The following HAVCR2 variants were observed in gnomAD, a reference collection of about 807,000 sequenced individuals.
HAVCR2 encodes the protein hepatitis A virus cellular receptor 2, also known as T cell immunoglobulin mucin 3.
In HAVCR2, 13 loss-of-function variants were observed where a neutral mutation model predicts 24.7. The observed-to-expected ratio is 0.53, with a 90% CI of 0.34 to 0.84. The LOEUF (loss-of-function observed/expected upper bound fraction) is 0.84. HAVCR2 is among the 40% of genes least tolerant of loss of function. HAVCR2 has a pLI of 0.01. For missense variants in HAVCR2, 343 were observed against 371.2 expected (o/e 0.92, Z 0.62); for synonymous variants, 154 against 143.4 (o/e 1.07, Z -0.53).
chr5:157,104,249 G>C (rs1394809144), intron 3 of HAVCR2, among the ~76,000 whole-genome samples: 2 of 152,082 alleles, frequency 1.3e-5, no homozygotes, highest in Admixed American at 6.6e-5. Context: ...GAAGGTGATG[G>C]GCTTTATTCT....
At chr5:157,088,864 A>G in intron 6 of HAVCR2, 77 bp downstream of exon 6, 1 of 1,257,144 alleles carries the variant, frequency 8.0e-7, no homozygotes. Context: ...AGGATTTCTC[A>G]GAGAAAAGAT....
chr5:157,105,941 A>G (rs4704850), intron 2 of HAVCR2, among the ~76,000 whole-genome samples: 130,863 of 151,950 alleles, frequency 0.86, 56,477 homozygotes, highest in East Asian at 0.99. Context: ...CAAACTCCTG[A>G]CCTCAAGTGA....
At position 157,087,039 on chromosome 5, in the gene HAVCR2, G is replaced by C. The variant is rs36047818; in HGVS notation, c.*63C>G. 0.014 allele frequency: 19,965 copies of C among 1,474,878 alleles called. 607 individuals are homozygous for C. The highest frequency in any genetic ancestry group is 0.12 in the African/African-American group (8,566 of 71,464). The allele number at this position is 1,474,878 out of a possible 1,614,324, so 91.4% of individuals were successfully genotyped here. ...GGACAGAACCTCCAAAACCAGTCAG[G>C]TGACACAGCTCATAGTTTCTGAAAA... is the stretch of plus-strand genomic sequence containing the variant. On this transcript the variant is annotated 3_prime_UTR_variant, in exon 7 of 7. Coordinates refer to ENST00000307851, the MANE Select transcript of HAVCR2 (RefSeq NM_032782.5).
chr5:157,103,253 C>T (rs1245908869), intron 3 of HAVCR2, among the ~76,000 whole-genome samples: 1 of 151,922 alleles, frequency 6.6e-6, no homozygotes, highest in Non-Finnish European at 1.5e-5. Flanking sequence ...CGCCTGTAGT[C>T]CCAGCTACTT....
At chr5:157,093,376 C>G (rs574841144) in intron 5 of HAVCR2, among the ~76,000 whole-genome samples, 2 of 152,056 alleles carry the variant, frequency 1.3e-5, no homozygotes, top group Non-Finnish European at 1.5e-5. Flanking sequence ...AGGGTAGTTA[C>G]GAGAATTTAA....
rs926474650 is a variant in HAVCR2, at chr5:157,085,904, A to G, written c.*1198T>C. The G allele has an allele frequency of 6.6e-6, 1 of 152,250 alleles. No individual in the cohort carries two copies. The highest frequency in any genetic ancestry group is 6.5e-5 in the Admixed American group (1 of 15,280). The allele number at this position is 152,250 out of a possible 1,614,324, so 9.4% of individuals were successfully genotyped here. On this transcript the variant is annotated 3_prime_UTR_variant, in exon 7 of 7. Transcript: ENST00000307851. ...GTGCTAGGCGCAGGGGGCAACAATA[A>G]GCAAGACAGATCAAGCCTATACCGT...
intron 5 of HAVCR2, among the ~76,000 whole-genome samples, chr5:157,092,878 CAAAA>C (rs556443053): frequency 5.2e-4 from 23 of 44,010 alleles, no homozygotes; most frequent in Admixed American, 6.9e-4. Flanking sequence ...CTGTCTCTAC[CAAAA>C]AAAAAAAAAA....
At chr5:157,095,506 C>G (rs745379542) in intron 4 of HAVCR2, 47 bp from the exon 5 acceptor site, 6 of 1,604,700 alleles carry the variant, frequency 3.7e-6, no homozygotes, top group Non-Finnish European at 5.1e-6. Flanking sequence ...CTAGAAATCG[C>G]TTGTGTAATC....
At chr5:157,092,463 T>C (rs1168862668) in intron 5 of HAVCR2, among the ~76,000 whole-genome samples, 1 of 151,982 alleles carries the variant, frequency 6.6e-6, no homozygotes, top group Non-Finnish European at 1.5e-5. Flanking sequence ...ATTTATTTTT[T>C]GAGATGGAGT....
intron 6 of HAVCR2, among the ~76,000 whole-genome samples, chr5:157,088,682 C>T (rs764362659): frequency 3.3e-5 from 5 of 152,138 alleles, no homozygotes; most frequent in Admixed American, 1.3e-4. Flanking sequence ...CCATTAATAT[C>T]GAGATGAATA....
chr5:157,091,287 A>C (rs1756996609), intron 5 of HAVCR2, among the ~76,000 whole-genome samples: 1 of 152,150 alleles, frequency 6.6e-6, no homozygotes, highest in African/African-American at 2.4e-5. Flanking sequence ...CTCTACTAAA[A>C]ATACAAAATT....
At chr5:157,103,140 G>A (rs1309338394) in intron 3 of HAVCR2, among the ~76,000 whole-genome samples, 1 of 151,986 alleles carries the variant, frequency 6.6e-6, no homozygotes, top group Non-Finnish European at 1.5e-5. Context: ...GAGGCGGGAG[G>A]ATCACAAGGT....
At chr5:157,098,250 TA>T (rs1180336697) in intron 4 of HAVCR2, among the ~76,000 whole-genome samples, 1 of 150,986 alleles carries the variant, frequency 6.6e-6, no homozygotes, top group African/African-American at 2.4e-5. Flanking sequence ...CTACTAAAAA[TA>T]AAAAAATTAG....
intron 3 of HAVCR2, among the ~76,000 whole-genome samples, chr5:157,102,930 G>C (rs1281180149): frequency 2.1e-5 from 1 of 48,754 alleles, no homozygotes; most frequent in Non-Finnish European, 3.5e-5. Flanking sequence ...GTGAGACTCC[G>C]TCTCAAAAAA....
At chr5:157,092,920 T>TAAAAAAAAAA (rs1757029318) in intron 5 of HAVCR2, among the ~76,000 whole-genome samples, 2 of 55,048 alleles carry the variant, frequency 3.6e-5, no homozygotes, top group East Asian at 5.4e-4. Context: ...AAAAAAAAAC[T>TAAAAAAAAAA]AGCCAGGTGT....
intron 4 of HAVCR2, among the ~76,000 whole-genome samples, chr5:157,096,216 C>A (rs994429917): frequency 2.6e-5 from 3 of 114,654 alleles, no homozygotes; most frequent in African/African-American, 3.5e-5. Flanking sequence ...GGCAACAGAG[C>A]GAGACTCCAT....
At chr5:157,099,769 C>T (rs1291563683) in intron 3 of HAVCR2, among the ~76,000 whole-genome samples, 1 of 152,120 alleles carries the variant, frequency 6.6e-6, no homozygotes, top group Non-Finnish European at 1.5e-5. Context: ...GATCTCTGCT[C>T]ACTGCAACCT....
chr5:157,095,707 T>TAAAAA (rs35269370), intron 4 of HAVCR2, among the ~76,000 whole-genome samples: 1 of 130,000 alleles, frequency 7.7e-6, no homozygotes, highest in South Asian at 2.6e-4. Flanking sequence ...AAGGAGCTCT[T>TAAAAA]AAAAAAAAAA....
At position 157,106,913 on chromosome 5, in the gene HAVCR2, C is replaced by T. The variant is rs953625531; in HGVS notation, c.108G>A (p.Leu36=). ...GGGCGGCTGGGGTGTAGAAGCAGGG[C>T]AGATAGGCATTCTGACCGACCTCCG... The part of the protein sequence containing the change: ...YRAEVGQNAY[L]PCFYTPAAPG... The change falls in exon 2 of 7, where the codon CTG becomes CTA. Residue 36 remains leucine, a synonymous_variant. Transcript: ENST00000307851. The T allele has an allele frequency of 6.2e-7, 1 of 1,614,128 alleles. No individual in the cohort carries two copies. Among genetic ancestry groups the T allele is most frequent in the Non-Finnish European group, 8.5e-7 (1 of 1,180,008 alleles).
Sources: allele counts gnomAD v4.1 joint callset (sites outside exome capture counted in the v4.1 genomes callset), GRCh38; gene constraint gnomAD v4.1.1; transcripts MANE v1.5; gene names NCBI Gene and HGNC (gene_info 2026-07-23, HGNC 2026-07-21).